BANK1: variants seen among roughly 807,000 people sequenced by gnomAD.
BANK1 encodes the protein B-cell scaffold protein with ankyrin repeats.
A neutral mutation model predicts 94.5 loss-of-function variants in BANK1; 95 were observed. That is an observed-to-expected ratio of 1.00 (90% CI 0.85 to 1.19). BANK1 has a LOEUF of 1.19. BANK1 is among the 50% of genes most tolerant of loss of function. The pLI, the probability that BANK1 is intolerant of heterozygous loss-of-function variation, is 0.00. For synonymous variants in BANK1, 334 were observed against 308.4 expected, an observed-to-expected ratio of 1.08 and a Z score of -0.87; for missense variants, 987 against 932.2, an observed-to-expected ratio of 1.06 and a Z score of -0.77.
chr4:101,862,595 T>G lies in BANK1; in HGVS notation c.694T>G (p.Ser232Ala). ...TGATACTGTAGAGGTTGAATTTACA[T>G]CAAGTAATAAGCGCATTAGAACACG... ...IGDTVEVEFT[S>A]SNKRIRTRPA... Residue 232 changes from serine (S) to alanine (A), a missense_variant, in exon 4 of 17, where the codon TCA (serine) becomes GCA (alanine). Ser to Ala is a moderately conservative substitution (Grantham distance 99). Coordinates refer to ENST00000322953, the MANE Select transcript of BANK1 (RefSeq NM_017935.5). The G allele has an allele frequency of 1.2e-6, 2 of 1,611,834 alleles. No homozygotes were observed. The highest frequency in any genetic ancestry group is 2.7e-5 in the African/African-American group (2 of 74,948).
chr4:101,957,144 C>A (rs758636842), intron 7 of BANK1, among the ~76,000 whole-genome samples: 3 of 152,130 alleles, frequency 2.0e-5, no homozygotes, highest in Non-Finnish European at 4.4e-5. Flanking sequence ...TTAGTTAACG[C>A]AAGAAATGCC....
In BANK1 at chr4:101,869,158, C is replaced by G. The variant is rs1728187382; in HGVS notation, c.764-1347C>G. On this transcript the variant is annotated intron_variant, in intron 4 of 16. Coordinates refer to ENST00000322953, the MANE Select transcript of BANK1 (RefSeq NM_017935.5). ...GATTTTCTTTCAAAAAGTTAACTCC[C>G]CATGGTAAAACTCCTAATCTCTTTT... Among the ~76,000 whole-genome samples the G allele has an allele frequency of 2.6e-5, 4 of 151,806 alleles. No individual in the cohort carries two copies. In the Middle Eastern group the frequency reaches 0.01, roughly 387 times the overall value.
At chr4:101,817,835 T>C (rs1288181793) in intron 1 of BANK1, among the ~76,000 whole-genome samples, 1 of 152,116 alleles carries the variant, frequency 6.6e-6, no homozygotes, top group Non-Finnish European at 1.5e-5. Context: ...ATGAGATTTT[T>C]TTTTTTTGCA....
At chr4:101,894,610 C>A (rs1722000523) in intron 5 of BANK1, among the ~76,000 whole-genome samples, 1 of 151,986 alleles carries the variant, frequency 6.6e-6, no homozygotes, top group African/African-American at 2.4e-5. Context: ...GATTGGCCCA[C>A]CTCCTTAGCT....
intron 7 of BANK1, among the ~76,000 whole-genome samples, chr4:101,986,556 A>G (rs1725487118): frequency 6.6e-6 from 1 of 151,918 alleles, no homozygotes; most frequent in African/African-American, 2.4e-5. Flanking sequence ...AAGAAATAGT[A>G]AGAGTAAATG....
intron 7 of BANK1, among the ~76,000 whole-genome samples, chr4:101,978,704 T>C (rs887928826): frequency 7.2e-5 from 11 of 152,044 alleles, no homozygotes; most frequent in Admixed American, 6.6e-4. Flanking sequence ...AAAAAAAGAA[T>C]TGTGGCTTGA....
At chr4:101,889,290 T>G (rs1721757837) in intron 5 of BANK1, among the ~76,000 whole-genome samples, 1 of 152,156 alleles carries the variant, frequency 6.6e-6, no homozygotes, top group African/African-American at 2.4e-5. Flanking sequence ...TAATCTGCAT[T>G]TTCTCCCTAT....
At chr4:102,001,536 G>T (rs1243933432) in intron 7 of BANK1, among the ~76,000 whole-genome samples, 2 of 152,140 alleles carry the variant, frequency 1.3e-5, no homozygotes, top group Non-Finnish European at 2.9e-5. Context: ...GGAGGCGGAG[G>T]TTGCAGTGAG....
intron 7 of BANK1, among the ~76,000 whole-genome samples, chr4:101,985,846 CTT>C (rs1206756105): frequency 2.0e-5 from 3 of 152,030 alleles, no homozygotes; most frequent in Non-Finnish European, 1.5e-5. Context: ...CAAAATGAGT[CTT>C]TGTTTACTTT....
Position 102,043,870 on chromosome 4 carries a change from T to C in BANK1, c.1932T>C (p.Ser644=), listed in dbSNP as rs145411445. The C allele has an allele frequency of 7.5e-6, 12 of 1,603,962 alleles. No homozygotes were observed. The African/African-American group carries it at 1.5e-4, about 20-fold the overall frequency. ...AACAAAAGACAGCCAGAAGACAATC[T>C]GATGATGACAAGTTCTGTGGTCTTC... ...VFQQKTARRQ[S]DDDKFCGLPK... Residue 644 remains serine (S), a synonymous_variant, in exon 11 of 17, where the codon TCT becomes TCC. Coordinates refer to ENST00000322953, the MANE Select transcript of BANK1 (RefSeq NM_017935.5).
chr4:101,921,665 G>A (rs554057216), intron 7 of BANK1, among the ~76,000 whole-genome samples: 11 of 151,964 alleles, frequency 7.2e-5, no homozygotes, highest in South Asian at 2.1e-4. Flanking sequence ...CATTCTCCTC[G>A]TTGGCCAGCT....
At chr4:102,035,015 A>G (rs1158603036) in intron 10 of BANK1, among the ~76,000 whole-genome samples, 1 of 152,256 alleles carries the variant, frequency 6.6e-6, no homozygotes, top group Non-Finnish European at 1.5e-5. Context: ...TGCTGAATTC[A>G]TAGTAGAAAC....
intron 13 of BANK1, among the ~76,000 whole-genome samples, chr4:102,064,195 C>T (rs1173865336): frequency 2.6e-5 from 4 of 152,108 alleles, no homozygotes; most frequent in African/African-American, 4.8e-5. Flanking sequence ...GCTAGTCCTT[C>T]GTGTTGAAAT....
intron 7 of BANK1, among the ~76,000 whole-genome samples, chr4:101,959,397 C>T (rs1724489057): frequency 6.6e-6 from 1 of 152,150 alleles, no homozygotes. Context: ...CTCGGCCTCC[C>T]AAAGTGCTGG....
At position 101,790,941 on chromosome 4, in the gene BANK1, G is replaced by C. The variant is rs1424839013; in HGVS notation, c.61G>C (p.Ala21Pro). 6.6e-7 allele frequency: 1 copy of C among 1,523,516 alleles called. No homozygotes were observed. 94.4% of individuals were successfully genotyped at this position (1,523,516 alleles called of 1,614,324 possible). Residue 21 changes from alanine (A) to proline (P), a missense_variant, in exon 1 of 17, where the codon GCG (alanine) becomes CCG (proline). Coordinates refer to ENST00000322953, the MANE Select transcript of BANK1 (RefSeq NM_017935.5). The stretch of plus-strand genomic sequence containing the variant: ...CCCGGACCCCGCCCCCTGCGGCCCA[G>C]CGCCCCCAGGTGGGTAGTCGCGCAT... Reference protein sequence around the residue: ...GSPDPAPCGPAPPGNTKDIIM... With the variant: ...GSPDPAPCGPPPPGNTKDIIM...
At chr4:101,913,801 C>T (rs779843462) in intron 6 of BANK1, among the ~76,000 whole-genome samples, 52 of 152,152 alleles carry the variant, frequency 3.4e-4, no homozygotes, top group Non-Finnish European at 6.3e-4. Flanking sequence ...ATCATTACTG[C>T]TGCTAATTTT....
At chr4:101,821,590 A>G (rs1313852156) in intron 1 of BANK1, among the ~76,000 whole-genome samples, 1 of 152,102 alleles carries the variant, frequency 6.6e-6, no homozygotes, top group Non-Finnish European at 1.5e-5. Flanking sequence ...TGGGTTTTGC[A>G]TTTAAGTCTT....
chr4:101,879,377 A>G (rs1412372707), intron 5 of BANK1, among the ~76,000 whole-genome samples: 1 of 152,126 alleles, frequency 6.6e-6, no homozygotes, highest in Non-Finnish European at 1.5e-5. Flanking sequence ...TCCTAGATAC[A>G]CACAAACTAC....
intron 13 of BANK1, among the ~76,000 whole-genome samples, chr4:102,063,584 G>A (rs1728494405): frequency 6.6e-6 from 1 of 151,880 alleles, no homozygotes. Flanking sequence ...AGCACTTTGG[G>A]AGGCCGAGGC....
Sources: allele counts gnomAD v4.1 joint callset (sites outside exome capture counted in the v4.1 genomes callset), GRCh38; gene constraint gnomAD v4.1.1; transcripts MANE v1.5; gene names NCBI Gene and HGNC (gene_info 2026-07-23, HGNC 2026-07-21).